Variants in PCM1 observed in about 807,000 individuals in gnomAD.
PCM1 encodes pericentriolar material 1.
Under a neutral mutation model 241.9 loss-of-function variants are expected in PCM1, and 157 were observed. The observed-to-expected ratio is 0.65, with a 90% CI of 0.57 to 0.74. The LOEUF (loss-of-function observed/expected upper bound fraction) is 0.74. Among genes scored for constraint, PCM1 ranks in the 30% least tolerant of loss-of-function variants. PCM1 has a pLI of 0.00. For synonymous variants in PCM1, 1,085 were observed against 784.9 expected (o/e 1.38, Z -6.39); for missense variants, 3,478 against 2,360.1 (o/e 1.47, Z -9.81).
chr8:17,959,080 C>T lies in PCM1; in HGVS notation c.2041-934C>T, dbSNP rs542633765. Among the ~76,000 whole-genome samples the T allele has an allele frequency of 8.2e-4, 125 of 152,144 alleles. 1 individual carries two copies. Among genetic ancestry groups the T allele is most frequent in the African/African-American group, 2.9e-3 (119 of 41,512 alleles). On this transcript the variant is annotated intron_variant, in intron 13 of 38. Coordinates refer to ENST00000325083, the MANE Select transcript of PCM1 (RefSeq NM_006197.4). ...ATTCTTCTTCACTGAAGTTGCTAGG[C>T]CTTTTCTCTGCAGTTAGGTACATCA... is the stretch of plus-strand genomic sequence containing the variant.
chr8:17,942,968 G>C (rs941592584), intron 6 of PCM1, among the ~76,000 whole-genome samples: 24 of 148,386 alleles, frequency 1.6e-4, no homozygotes, highest in Admixed American at 1.5e-3. Context: ...CTGTACTCCA[G>C]CTTGGGTGAC....
At chr8:17,938,226 A>ACCTT (rs1225869580) in intron 4 of PCM1, among the ~76,000 whole-genome samples, 1 of 152,098 alleles carries the variant, frequency 6.6e-6, no homozygotes, top group African/African-American at 2.4e-5. Context: ...TTAACACCTG[A>ACCTT]CCTTGTGTGA....
At position 17,953,049 on chromosome 8, in the gene PCM1, C is replaced by T. The variant is rs1483629670; in HGVS notation, c.1151C>T (p.Ser384Leu). The T allele has an allele frequency of 1.9e-6, 3 of 1,607,400 alleles. No homozygotes were observed. In the South Asian group the frequency reaches 3.3e-5, roughly 18 times the overall value. The change falls in exon 9 of 39, where the codon TCA becomes TTA. Residue 384 changes from serine to leucine, a missense_variant. By Grantham distance (145) the Ser-to-Leu change is moderately radical. Coordinates refer to ENST00000325083, the MANE Select transcript of PCM1 (RefSeq NM_006197.4). ...GAGGTTTCCCAGAGCAGGAAACCAT[C>T]AGCTTCAGAACGTTTACCTGATGAG... is the stretch of plus-strand genomic sequence containing the variant. The part of the protein sequence containing the change: ...TREVSQSRKP[S>L]ASERLPDEKV...
At chr8:17,930,011 A>G (rs575820647) in intron 2 of PCM1, among the ~76,000 whole-genome samples, 7 of 152,124 alleles carry the variant, frequency 4.6e-5, no homozygotes, top group East Asian at 1.9e-4. Context: ...GGTGGGGACT[A>G]TAGTCACCAA....
chr8:17,971,598 T>C (rs540405199), intron 22 of PCM1, among the ~76,000 whole-genome samples: 1 of 152,342 alleles, frequency 6.6e-6, no homozygotes, highest in African/African-American at 2.4e-5. Flanking sequence ...GAATGACCAA[T>C]TGTATTCACC....
rs2094396991 is a variant in PCM1 at position 18,029,172 on chromosome 8, AAAAAAAAAAAGTT to A, written c.*1513_*1525del. 5.4e-6 allele frequency: 1 copy of A among 186,184 alleles called. No homozygotes were observed. The highest frequency in any genetic ancestry group is 6.1e-5 in the Admixed American group (1 of 16,262). The allele number at this position is 186,184 out of a possible 1,614,324, so 11.5% of individuals were successfully genotyped here. A position where few individuals can be genotyped will look rare whatever the true frequency, so the allele number is the denominator to read the frequency against. ...ACTCTGTCTCAAAAAAAAAAAAAAA[AAAAAAAAAAAGTT>A]AACTTGCTGTATACCTCAGTGTAAT... is the stretch of plus-strand genomic sequence containing the variant. On this transcript the variant is annotated 3_prime_UTR_variant, in exon 39 of 39. Coordinates refer to ENST00000325083, the MANE Select transcript of PCM1 (RefSeq NM_006197.4).
At chr8:18,018,873 T>TATAC (rs2093498346) in intron 36 of PCM1, among the ~76,000 whole-genome samples, 7 of 116,604 alleles carry the variant, frequency 6.0e-5, no homozygotes, top group African/African-American at 2.5e-4. Context: ...TATATATATA[T>TATAC]ATATATACAC....
Position 17,955,597 on chromosome 8 carries a change from A to C in PCM1, c.1416A>C (p.Leu472=), listed in dbSNP as rs199510239. 1,208 of 1,613,752 alleles carry C rather than the reference A, an allele frequency of 7.5e-4. 9 individuals carry two copies. In the Middle Eastern group the frequency reaches 0.01, roughly 13 times the overall value. The change falls in exon 10 of 39, where the codon CTA becomes CTC. Residue 472 remains leucine (L), a synonymous_variant. Transcript: ENST00000325083. The part of the protein sequence containing the change: ...TSSVPYPTAS[L]VSQNESENEG... ...CTGTTCCTTATCCTACTGCTTCTCT[A>C]GTATCTCAGAATGAGAGTGAAAACG...
At chr8:17,936,008 T>TA (rs1160880124) in intron 3 of PCM1, among the ~76,000 whole-genome samples, 1 of 152,156 alleles carries the variant, frequency 6.6e-6, no homozygotes, top group Non-Finnish European at 1.5e-5. Context: ...TATCAAGAAT[T>TA]ACGTTTTCAC....
intron 6 of PCM1, among the ~76,000 whole-genome samples, chr8:17,946,852 TG>T (rs2063978983): frequency 6.6e-6 from 1 of 151,570 alleles, no homozygotes; most frequent in Admixed American, 6.6e-5. Context: ...TGTGTGTGTG[TG>T]TGTGTGTGTG....
chr8:17,972,628 C>G lies in PCM1; in HGVS notation c.3884C>G (p.Pro1295Arg). Residue 1295 changes from proline (P) to arginine (R), a missense_variant, in exon 23 of 39, where the codon CCC (proline) becomes CGC (arginine). Pro to Arg is a moderately radical substitution (Grantham distance 103). Transcript: ENST00000325083. ...AGCCTGGCATCTAAAGATAAAACTC[C>G]CAAGTCAAAAAGTAAGAAGAGGAAT... ...QASLASKDKT[P>R]KSKSKKRNST... is the part of the protein sequence containing the mutation. The G allele has an allele frequency of 3.8e-6, 6 of 1,580,584 alleles. No individual in the cohort carries two copies. The highest frequency in any genetic ancestry group is 5.1e-6 in the Non-Finnish European group (6 of 1,167,662).
chr8:18,014,748 A>G lies in PCM1; in HGVS notation c.5749A>G (p.Arg1917Gly). 6.2e-7 allele frequency: 1 copy of G among 1,613,050 alleles called. No homozygotes were observed. ...RLPEMEPLVP[R>G]VKEVKSAQET... ...ACCTGAAATGGAACCCTTAGTGCCT[A>G]GAGTCAAAGAAGTTAAATCTGCTCA... is the stretch of plus-strand genomic sequence containing the variant. The change falls in exon 36 of 39, where the codon AGA (arginine) becomes GGA (glycine). Residue 1917 changes from arginine to glycine, a missense_variant. By Grantham distance (125) the Arg-to-Gly change is moderately radical. Transcript: ENST00000325083.
intron 38 of PCM1, among the ~76,000 whole-genome samples, chr8:18,026,143 G>A (rs1273589135): frequency 7.3e-5 from 7 of 95,518 alleles, no homozygotes; most frequent in Admixed American, 1.7e-4. Flanking sequence ...CGGCCTGGGT[G>A]AAAGAGCGAG....
At position 18,009,744 on chromosome 8, in the gene PCM1, G is replaced by T; in HGVS notation, c.5160G>T (p.Glu1720Asp). The T allele has an allele frequency of 7.1e-7, 1 of 1,416,226 alleles. No homozygotes were observed. 87.7% of individuals were successfully genotyped at this position (1,416,226 alleles called of 1,614,324 possible). A position where few individuals can be genotyped will look rare whatever the true frequency, so the allele number is the denominator to read the frequency against. ...GAGTGATACAATCTTGTGCCAAAGAGGTAAATAACGTTCATTTTGATTTTT... is the reference window on the plus strand; with the variant it reads ...GAGTGATACAATCTTGTGCCAAAGATGTAAATAACGTTCATTTTGATTTTT... Reference protein sequence around the residue: ...ATGVIQSCAKEAKRILEDHGS... With the variant: ...ATGVIQSCAKDAKRILEDHGS... Residue 1720 changes from glutamate to aspartate, a missense_variant and splice_region_variant, in exon 31 of 39, where the codon GAG (glutamate) becomes GAT (aspartate). Glu to Asp is a conservative substitution (Grantham distance 45). Transcript: ENST00000325083.
chr8:17,980,755 G>T lies in PCM1; in HGVS notation c.4108G>T (p.Glu1370Ter). ...TAATAGGTCTACAGAAATATCTTCA[G>T]GTATGTTCTTTTTTGGTTTGCATTA... ...KCNRSTEISS[E>*]TGSDFSMFEA... Residue 1370 changes from glutamate to a stop codon, truncating the protein, a stop_gained and splice_region_variant, in exon 24 of 39, where the codon GAA becomes TAA. Transcript: ENST00000325083. LOFTEE classifies it high-confidence loss of function. 6.2e-7 allele frequency: 1 copy of T among 1,600,346 alleles called. No individual in the cohort carries two copies.
intron 2 of PCM1, among the ~76,000 whole-genome samples, chr8:17,932,630 T>C (rs2059371491): frequency 6.6e-6 from 1 of 151,986 alleles, no homozygotes. Flanking sequence ...TCTTTGAGAT[T>C]TTTTTTTCTC....
intron 6 of PCM1, among the ~76,000 whole-genome samples, chr8:17,943,806 G>T (rs1473297862): frequency 1.3e-5 from 2 of 151,898 alleles, no homozygotes; most frequent in Non-Finnish European, 2.9e-5. Context: ...CCCCACCCCT[G>T]TTTCCTCCTT....
At chr8:17,966,248 G>A (rs377597919) in intron 19 of PCM1, 30 bp downstream of exon 19, 185 of 1,607,826 alleles carry the variant, frequency 1.2e-4, no homozygotes, top group Admixed American at 4.9e-4. Flanking sequence ...TATATTTTTC[G>A]TCTATTTTTA....
At chr8:17,990,867 AT>A (rs2084367798) in intron 27 of PCM1, among the ~76,000 whole-genome samples, 1 of 152,136 alleles carries the variant, frequency 6.6e-6, no homozygotes, top group South Asian at 2.1e-4. Flanking sequence ...TATTGTAATT[AT>A]TGAGGACTCA....
Sources: gnomAD v4.1 joint callset for allele counts (sites outside exome capture counted in the v4.1 genomes callset) on GRCh38, gnomAD v4.1.1 for gene constraint, MANE v1.5 for transcripts, NCBI Gene and HGNC (gene_info 2026-07-23, HGNC 2026-07-21) for gene names.